Variants in AK8 observed in about 807,000 individuals in gnomAD.
AK8 encodes adenylate kinase 8, also known as ATP-AMP transphosphorylase 8.
A neutral mutation model predicts 54.6 loss-of-function variants in AK8; 44 were observed. The observed-to-expected ratio is 0.81, with a 90% CI of 0.63 to 1.04. AK8 has a LOEUF of 1.04. Ranked by LOEUF, AK8 falls within the 50% of genes least tolerant of loss-of-function variation. The pLI is 0.00. For synonymous variants in AK8, 239 were observed against 245.6 expected (o/e 0.97, Z 0.25); for missense variants, 555 against 613.6 (o/e 0.90, Z 1.01).
chr9:132,878,269 C>T lies in AK8; in HGVS notation c.-14G>A. The T allele has an allele frequency of 7.4e-7, 1 of 1,353,604 alleles. No individual in the cohort carries two copies. Among genetic ancestry groups the T allele is most frequent in the East Asian group, 2.8e-5 (1 of 36,122 alleles). 83.8% of individuals were successfully genotyped at this position (1,353,604 alleles called of 1,614,324 possible). On this transcript the variant is annotated 5_prime_UTR_variant, in exon 1 of 13. Transcript: ENST00000298545. This position sits in a 1 kb window ranked among gnomAD's most constrained non-coding sequence, Gnocchi z 4.7. ...AGTGGCGTCCATGTAGCCGTCTCGG[C>T]TCGCCGCTCCCTAGTAACCGCGTCG...
chr9:132,756,361 C>G (rs987698304), intron 11 of AK8, among the ~76,000 whole-genome samples: 46 of 152,392 alleles, frequency 3.0e-4, no homozygotes, highest in African/African-American at 1.1e-3. Flanking sequence ...GGGCCCAACT[C>G]TCTCCTAGAG....
intron 11 of AK8, among the ~76,000 whole-genome samples, chr9:132,742,545 T>C (rs1055135413): frequency 5.3e-5 from 8 of 152,354 alleles, no homozygotes; most frequent in African/African-American, 1.9e-4. Flanking sequence ...AAACTAAGCA[T>C]GACAGGGGTA....
At chr9:132,774,912 G>T (rs1443810039) in intron 11 of AK8, among the ~76,000 whole-genome samples, 3 of 152,194 alleles carry the variant, frequency 2.0e-5, no homozygotes, top group African/African-American at 7.2e-5. Flanking sequence ...CCCCTAATAA[G>T]AGCTTGGAAT....
At chr9:132,875,744 C>T (rs1055557893) in intron 1 of AK8, among the ~76,000 whole-genome samples, 1 of 152,232 alleles carries the variant, frequency 6.6e-6, no homozygotes, top group East Asian at 1.9e-4. Flanking sequence ...CCACCATCCC[C>T]CCGGCAGGCC....
At chr9:132,744,672 C>T (rs1376483362) in intron 11 of AK8, among the ~76,000 whole-genome samples, 2 of 152,030 alleles carry the variant, frequency 1.3e-5, no homozygotes, top group Non-Finnish European at 2.9e-5. Context: ...AAGAGAACCC[C>T]AATATGTTTA....
chr9:132,742,192 AG>A (rs1837424264), intron 11 of AK8, among the ~76,000 whole-genome samples: 1 of 136,516 alleles, frequency 7.3e-6, no homozygotes, highest in Non-Finnish European at 1.5e-5. Context: ...TTTTTTTGAG[AG>A]AGATAGAGTC....
intron 6 of AK8, 46 bp from the exon 7 acceptor site, chr9:132,828,130 GGT>G: frequency 6.6e-7 from 1 of 1,522,450 alleles, no homozygotes; most frequent in East Asian, 2.4e-5. Flanking sequence ...TCGGGCAGCG[GGT>G]GCCACACATT....
chr9:132,828,006 G>C lies in AK8; in HGVS notation c.556+7C>G. 1 of 1,560,130 alleles carries C rather than the reference G, an allele frequency of 6.4e-7. No individual in the cohort carries two copies. Among genetic ancestry groups the C allele is most frequent in the Non-Finnish European group, 8.7e-7 (1 of 1,151,172 alleles). ...ATGGGGCTGGGTGGGGGTGGCCGTA[G>C]CCATACCTCCAGTTTGAGGGTCGAT... is the stretch of plus-strand genomic sequence containing the variant. On this transcript the variant is annotated splice_region_variant and intron_variant, in intron 7 of 12. Coordinates refer to ENST00000298545, the MANE Select transcript of AK8 (RefSeq NM_152572.3).
intron 5 of AK8, among the ~76,000 whole-genome samples, chr9:132,835,862 G>A (rs1276983576): frequency 3.3e-5 from 5 of 152,276 alleles, no homozygotes; most frequent in East Asian, 1.9e-4. Flanking sequence ...AGTGGCTCAC[G>A]CCTGTAATCC....
intron 8 of AK8, among the ~76,000 whole-genome samples, chr9:132,823,713 A>G (rs1841753164): frequency 6.6e-6 from 1 of 152,176 alleles, no homozygotes; most frequent in African/African-American, 2.4e-5. Flanking sequence ...GGCTTTTCCT[A>G]CTGAATCGGG....
intron 11 of AK8, among the ~76,000 whole-genome samples, chr9:132,736,858 A>T (rs773171856): frequency 1.1e-4 from 17 of 151,982 alleles, no homozygotes; most frequent in Non-Finnish European, 2.5e-4. Context: ...ACATTATGCT[A>T]AGTAAAATAA....
intron 10 of AK8, among the ~76,000 whole-genome samples, chr9:132,793,207 C>T (rs960851107): frequency 6.6e-6 from 1 of 152,198 alleles, no homozygotes; most frequent in African/African-American, 2.4e-5. Context: ...TTCATCCTCA[C>T]CTGGTGGAAG....
At chr9:132,845,323 A>G (rs1417243443) in intron 5 of AK8, among the ~76,000 whole-genome samples, 2 of 152,256 alleles carry the variant, frequency 1.3e-5, no homozygotes, top group Non-Finnish European at 2.9e-5. Context: ...TGTCAATTAT[A>G]ATTGAGATTT....
intron 11 of AK8, 45 bp from the exon 12 acceptor site, chr9:132,727,579 A>G (rs1471245065): frequency 5.1e-6 from 8 of 1,561,592 alleles, no homozygotes; most frequent in Non-Finnish European, 6.2e-6. Context: ...TATTTCCTGT[A>G]TTTTATGATG....
chr9:132,859,674 C>T (rs924610093), intron 4 of AK8, among the ~76,000 whole-genome samples: 92 of 151,576 alleles, frequency 6.1e-4, no homozygotes, highest in African/African-American at 2.1e-3. Flanking sequence ...CGACCCGGGT[C>T]TTCCTCACCT....
At chr9:132,771,513 G>T (rs1445217713) in intron 11 of AK8, among the ~76,000 whole-genome samples, 2 of 152,186 alleles carry the variant, frequency 1.3e-5, no homozygotes, top group East Asian at 1.9e-4. Context: ...GGCCATTAAG[G>T]GGTCCTTCAT....
At chr9:132,871,723 G>T (rs1023469007) in intron 2 of AK8, among the ~76,000 whole-genome samples, 8 of 152,210 alleles carry the variant, frequency 5.3e-5, no homozygotes, top group African/African-American at 1.9e-4. Context: ...CTCCTTGGAG[G>T]GAGCTTCAGG....
intron 10 of AK8, among the ~76,000 whole-genome samples, chr9:132,801,628 T>A (rs215179): frequency 0.36 from 54,599 of 152,070 alleles, 11,885 homozygotes; most frequent in South Asian, 0.57. Flanking sequence ...GCCCACGAAA[T>A]CTGGGAGAAG....
chr9:132,741,530 T>G (rs951307375), intron 11 of AK8, among the ~76,000 whole-genome samples: 1 of 152,190 alleles, frequency 6.6e-6, no homozygotes, highest in Admixed American at 6.5e-5. Flanking sequence ...GTGTGGCCGA[T>G]GCCAAGAGGC....
Sources: gnomAD v4.1 joint callset for allele counts (sites outside exome capture counted in the v4.1 genomes callset) on GRCh38, gnomAD v4.1.1 for gene constraint, Gnocchi (gnomAD v3.1) non-coding constraint, MANE v1.5 for transcripts, NCBI Gene and HGNC (gene_info 2026-07-23, HGNC 2026-07-21) for gene names.